GPHN: variants seen among roughly 807,000 people sequenced by gnomAD.
GPHN encodes the protein gephyrin.
GPHN carries 17 observed loss-of-function variants against 95.5 expected under a neutral mutation model. The ratio of observed to expected loss-of-function variants is 0.18; its 90% CI spans 0.12 to 0.27. The LOEUF (loss-of-function observed/expected upper bound fraction) is 0.27. Among genes scored for constraint, GPHN ranks in the 10% least tolerant of loss-of-function variants. The pLI, the probability that GPHN is intolerant of heterozygous loss-of-function variation, is 1.00. For missense variants in GPHN, 660 were observed against 978.1 expected (o/e 0.67, Z 4.34); for synonymous variants, 320 against 322.5 (o/e 0.99, Z 0.08).
intron 8 of GPHN, among the ~76,000 whole-genome samples, chr14:66,951,241 CA>C (rs2068090982): frequency 6.6e-6 from 1 of 151,902 alleles, no homozygotes; most frequent in Non-Finnish European, 1.5e-5. Flanking sequence ...GATAAAGGGC[CA>C]GGCACAGTGG....
At chr14:67,473,400 G>GC in the GPHN span, 1 of 1,609,314 alleles carries the variant, frequency 6.2e-7, no homozygotes, top group Non-Finnish European at 8.5e-7. The surrounding 1 kb of genome is among the most constrained non-coding windows in gnomAD (Gnocchi z 6.5). Flanking sequence ...AGATCCCCAG[G>GC]CCCCCCACCC....
At chr14:66,631,930 A>G (rs192679223) in intron 1 of GPHN, among the ~76,000 whole-genome samples, 1 of 152,190 alleles carries the variant, frequency 6.6e-6, no homozygotes, top group East Asian at 1.9e-4. Context: ...ATTGCTTCGA[A>G]TTCAGGTTGT....
chr14:67,639,986 A>T, the GPHN span, among the ~76,000 whole-genome samples: 1 of 151,274 alleles, frequency 6.6e-6, no homozygotes, highest in Admixed American at 6.6e-5. Context: ...CAACAGACAG[A>T]GGAAAGACTT....
intron 1 of GPHN, among the ~76,000 whole-genome samples, chr14:66,532,676 T>C (rs1401591406): frequency 6.6e-6 from 1 of 152,166 alleles, no homozygotes; most frequent in Non-Finnish European, 1.5e-5. Context: ...AATATTGGGG[T>C]GTCTGCCTCA....
the GPHN span, among the ~76,000 whole-genome samples, chr14:67,568,871 G>C: frequency 6.6e-6 from 1 of 152,218 alleles, no homozygotes; most frequent in South Asian, 2.1e-4. Flanking sequence ...GAACTGTTGG[G>C]CACTGATTAT....
the GPHN span, among the ~76,000 whole-genome samples, chr14:67,680,919 C>T: frequency 2.6e-3 from 391 of 152,324 alleles, 2 homozygotes; most frequent in Non-Finnish European, 3.0e-3. Context: ...GGCATAAGGA[C>T]AGACATACAA....
the GPHN span, among the ~76,000 whole-genome samples, chr14:67,187,282 C>T: frequency 2.3e-4 from 35 of 152,286 alleles, no homozygotes; most frequent in African/African-American, 7.9e-4. Flanking sequence ...TGCAAACAAG[C>T]ACCTCATTCT....
chr14:66,569,092 A>G (rs1261253723), intron 1 of GPHN, among the ~76,000 whole-genome samples: 2 of 152,150 alleles, frequency 1.3e-5, no homozygotes, highest in Non-Finnish European at 2.9e-5. Context: ...ATTCATTACT[A>G]CTGAGAGATT....
intron 4 of GPHN, among the ~76,000 whole-genome samples, chr14:66,879,011 G>A (rs2063801509): frequency 6.6e-6 from 1 of 152,110 alleles, no homozygotes; most frequent in African/African-American, 2.4e-5. Flanking sequence ...TATACACCAT[G>A]GAATGCTATG....
chr14:67,331,563 C>G, the GPHN span, among the ~76,000 whole-genome samples: 6 of 152,018 alleles, frequency 3.9e-5, no homozygotes, highest in Admixed American at 1.3e-4. Context: ...TCAGTTTTGC[C>G]TAGTTCAGCT....
Position 66,924,251 on chromosome 14 carries a change from C to A in GPHN, c.787C>A (p.Pro263Thr). The A allele has an allele frequency of 6.2e-7, 1 of 1,611,450 alleles. No individual in the cohort carries two copies. Among genetic ancestry groups the A allele is most frequent in the East Asian group, 2.2e-5 (1 of 44,860 alleles). ...CATGGCACACGGTGAACAGCCCATCCCTGGTCTCATCAATTATTCCCATCA... is the reference window on the plus strand; with the variant it reads ...CATGGCACACGGTGAACAGCCCATCACTGGTCTCATCAATTATTCCCATCA... ...VVMAHGEQPI[P>T]GLINYSHHST... Residue 263 changes from proline (P) to threonine (T), a missense_variant, in exon 8 of 23, where the codon CCT becomes ACT. By Grantham distance (38) the Pro-to-Thr change is conservative. This residue lies in a region of GPHN where 190 missense variants were observed against 224.7 expected (regional missense o/e 0.85). Transcript: ENST00000478722.
At chr14:66,862,844 A>G (rs1052651644) in intron 4 of GPHN, among the ~76,000 whole-genome samples, 2 of 152,166 alleles carry the variant, frequency 1.3e-5, no homozygotes, top group South Asian at 2.1e-4. Context: ...TAAGAGCTAT[A>G]TGCAGCAGAC....
the GPHN span, among the ~76,000 whole-genome samples, chr14:67,394,755 C>G: frequency 6.6e-6 from 1 of 152,138 alleles, no homozygotes; most frequent in Admixed American, 6.5e-5. Flanking sequence ...AGAGGTGATG[C>G]CTTTAAGAGG....
rs959146066 is a variant in GPHN, at chr14:66,672,505, G to A, written c.65-8602G>A. Among the ~76,000 whole-genome samples the A allele has an allele frequency of 1.3e-5, 2 of 152,066 alleles. 1 individual carries two copies. Among genetic ancestry groups the A allele is most frequent in the Non-Finnish European group, 2.9e-5 (2 of 67,984 alleles). ...ATTTGTTCATTTATGATAGAGGATTGTTAGTCTCCAACTGTAACAGGGGTT... is the reference window on the plus strand; with the variant it reads ...ATTTGTTCATTTATGATAGAGGATTATTAGTCTCCAACTGTAACAGGGGTT... On this transcript the variant is annotated intron_variant, in intron 1 of 22. Coordinates refer to ENST00000478722, the MANE Select transcript of GPHN (RefSeq NM_020806.5).
intron 10 of GPHN, among the ~76,000 whole-genome samples, chr14:67,024,878 T>G (rs1371512573): frequency 6.6e-6 from 1 of 152,170 alleles, no homozygotes; most frequent in Non-Finnish European, 1.5e-5. Flanking sequence ...GGGGTTTTTT[T>G]GTGTAAATTT....
intron 2 of GPHN, among the ~76,000 whole-genome samples, chr14:66,725,054 AGT>A (rs1219606472): frequency 6.6e-6 from 1 of 152,208 alleles, no homozygotes; most frequent in Admixed American, 6.5e-5. Context: ...ATAGGGCCAC[AGT>A]CTTAATGCAA....
At chr14:67,519,206 C>T in the GPHN span, among the ~76,000 whole-genome samples, 3 of 152,102 alleles carry the variant, frequency 2.0e-5, no homozygotes, top group Admixed American at 6.5e-5. Context: ...ACTCAGATCA[C>T]GTAGGATTCT....
the GPHN span, chr14:67,574,025 G>T: frequency 1.4e-6 from 1 of 722,944 alleles, no homozygotes. The surrounding 1 kb of genome is among the most constrained non-coding windows in gnomAD (Gnocchi z 4.2). Flanking sequence ...ATCCTAACTT[G>T]TGAGTACAAG....
chr14:67,620,016 G>T, the GPHN span: 1 of 1,611,260 alleles, frequency 6.2e-7, no homozygotes, highest in East Asian at 2.2e-5. Flanking sequence ...TCCTCCAGAC[G>T]CGAGTGCATT....
Sources: gnomAD v4.1 joint callset for allele counts (sites outside exome capture counted in the v4.1 genomes callset) on GRCh38, gnomAD v4.1.1 for gene constraint, gnomAD v4.1.1 regional missense constraint, Gnocchi (gnomAD v3.1) non-coding constraint, MANE v1.5 for transcripts, NCBI Gene and HGNC (gene_info 2026-07-23, HGNC 2026-07-21) for gene names.